Variants in FBXO32 observed in about 807,000 individuals in gnomAD.
FBXO32 encodes F-box protein 32.
In FBXO32, 15 loss-of-function variants were observed where a neutral mutation model predicts 48.3. The ratio of observed to expected loss-of-function variants is 0.31; its 90% CI spans 0.21 to 0.48. The LOEUF (loss-of-function observed/expected upper bound fraction) is 0.48. Among genes scored for constraint, FBXO32 ranks in the 20% least tolerant of loss-of-function variants. The pLI is 0.99. For synonymous variants in FBXO32, 154 were observed against 165.9 expected (o/e 0.93, Z 0.55); for missense variants, 309 against 432.7 (o/e 0.71, Z 2.54).
At chr8:123,521,640 C>T (rs1405924710) in intron 4 of FBXO32, among the ~76,000 whole-genome samples, 1 of 152,126 alleles carries the variant, frequency 6.6e-6, no homozygotes, top group Non-Finnish European at 1.5e-5. Context: ...GCTGCCTAAG[C>T]ATGCTCTATC....
At chr8:123,508,780 C>T (rs1816680390) in intron 6 of FBXO32, among the ~76,000 whole-genome samples, 1 of 152,038 alleles carries the variant, frequency 6.6e-6, no homozygotes, top group Non-Finnish European at 1.5e-5. Context: ...GTTAAAACTC[C>T]CAGGCCAATT....
chr8:123,501,161 A>G lies in FBXO32; in HGVS notation c.*2212T>C, dbSNP rs2130489109. The G allele has an allele frequency of 6.6e-6, 1 of 152,366 alleles. No individual in the cohort carries two copies. The highest frequency in any genetic ancestry group is 2.4e-5 in the African/African-American group (1 of 41,586). 9.4% of individuals were successfully genotyped at this position (152,366 alleles called of 1,614,324 possible). On this transcript the variant is annotated 3_prime_UTR_variant, in exon 9 of 9. Transcript: ENST00000517956. ...AGTTGGTGGCAACATGTGGAAGGCC[A>G]TGAACCCCTAAATCTAAAAATGTCA...
At position 123,503,454 on chromosome 8, in the gene FBXO32, G is replaced by A. The variant is rs1487041582; in HGVS notation, c.987C>T (p.Asp329=). The A allele has an allele frequency of 1.2e-6, 2 of 1,613,572 alleles. No homozygotes were observed. The highest frequency in any genetic ancestry group is 1.7e-6 in the Non-Finnish European group (2 of 1,179,644). The part of the protein sequence containing the change: ...HCHILSWKGT[D]HPCTANNPES... ...CTGGGTTATTGGCAGTGCACGGATG[G>A]TCAGTGCCCTGGAAAGGAACACATG... Residue 329 remains aspartate, a synonymous_variant, in exon 9 of 9, where the codon GAC becomes GAT. Transcript: ENST00000517956.
chr8:123,514,017 G>A, intron 5 of FBXO32: 1 of 475,524 alleles, frequency 2.1e-6, no homozygotes, highest in Non-Finnish European at 3.7e-6. Flanking sequence ...CAAGTGGATG[G>A]TCCCAAAGAA....
chr8:123,536,250 C>T (rs1351106732), intron 1 of FBXO32, among the ~76,000 whole-genome samples: 1 of 152,152 alleles, frequency 6.6e-6, no homozygotes, highest in Non-Finnish European at 1.5e-5. Context: ...TTCTCCTTTT[C>T]ATTCAGGGAA....
At chr8:123,532,030 T>C (rs773805423) in intron 3 of FBXO32, 40 bp from the exon 4 acceptor site, 6 of 1,611,518 alleles carry the variant, frequency 3.7e-6, no homozygotes, top group Non-Finnish European at 5.1e-6. Context: ...ACTCCTGCCA[T>C]GCAGAGGTCA....
intron 4 of FBXO32, among the ~76,000 whole-genome samples, chr8:123,519,872 CCA>C (rs1297381861): frequency 6.6e-6 from 1 of 152,158 alleles, no homozygotes; most frequent in East Asian, 1.9e-4. Flanking sequence ...ATTGCAACCT[CCA>C]CCTCCCAGGT....
chr8:123,527,148 G>A (rs1469028267), intron 4 of FBXO32: 4 of 152,126 alleles, frequency 2.6e-5, no homozygotes, highest in African/African-American at 7.2e-5. Context: ...AAAAACAGGC[G>A]GCAGGCTATT....
At chr8:123,523,350 C>T (rs979889794) in intron 4 of FBXO32, among the ~76,000 whole-genome samples, 5 of 152,074 alleles carry the variant, frequency 3.3e-5, no homozygotes, top group Admixed American at 6.6e-5. Flanking sequence ...TCAGCACTTT[C>T]GGAGGCCAAG....
chr8:123,529,709 G>A (rs535505599), intron 4 of FBXO32, among the ~76,000 whole-genome samples: 96 of 152,188 alleles, frequency 6.3e-4, no homozygotes, highest in African/African-American at 2.2e-3. Flanking sequence ...TTATCTTACT[G>A]TACTGCCATT....
chr8:123,511,652 G>A (rs1296153039), intron 6 of FBXO32, among the ~76,000 whole-genome samples: 4 of 151,800 alleles, frequency 2.6e-5, no homozygotes, highest in Admixed American at 2.6e-4. Context: ...ATTTTTGTAT[G>A]TTTAGTAGAG....
In FBXO32 at chr8:123,525,983, A is replaced by T. The variant is rs778290120; in HGVS notation, c.372+5915T>A. On this transcript the variant is annotated intron_variant, in intron 4 of 8. Transcript: ENST00000517956. This position sits in a 1 kb window ranked among gnomAD's most constrained non-coding sequence, Gnocchi z 4.3. The stretch of plus-strand genomic sequence containing the variant: ...CTAGATAATATAGCCTCACACTCAA[A>T]GCCTCTTCTCAAGTCTGTCCAATGT... Among the ~76,000 whole-genome samples the T allele has an allele frequency of 3.7e-4, 56 of 151,896 alleles. No homozygotes were observed. Among genetic ancestry groups the T allele is most frequent in the Non-Finnish European group, 6.8e-4 (46 of 67,994 alleles).
chr8:123,503,160 T>A lies in FBXO32; in HGVS notation c.*213A>T, dbSNP rs1816532923. The A allele has an allele frequency of 2.3e-6, 1 of 431,448 alleles. No homozygotes were observed. The highest frequency in any genetic ancestry group is 4.7e-5 in the South Asian group (1 of 21,316). 26.7% of individuals were successfully genotyped at this position (431,448 alleles called of 1,614,324 possible). A position where few individuals can be genotyped will look rare whatever the true frequency, so the allele number is the denominator to read the frequency against. The stretch of plus-strand genomic sequence containing the variant: ...AAAAGTTTATTTACAGTATTTTGCT[T>A]TTCCATACCAATTCTAGTGAGAAGT... On this transcript the variant is annotated 3_prime_UTR_variant, in exon 9 of 9. Transcript: ENST00000517956.
rs1242078936 is a variant in FBXO32 at position 123,506,158 on chromosome 8, G to A, written c.834+234C>T. Among the ~76,000 whole-genome samples the A allele has an allele frequency of 6.6e-6, 1 of 152,184 alleles. No homozygotes were observed. The highest frequency in any genetic ancestry group is 1.9e-4 in the East Asian group (1 of 5,184). On this transcript the variant is annotated intron_variant, in intron 7 of 8. Coordinates refer to ENST00000517956, the MANE Select transcript of FBXO32 (RefSeq NM_058229.4). The surrounding 1 kb of genome is among the most constrained non-coding windows in gnomAD (Gnocchi z 4.0). ...GTGGGAGGGTTGCTTGAGCCCAAGT[G>A]GCTGAGGTTACAGTGAGCTATGATT... is the stretch of plus-strand genomic sequence containing the variant.
At chr8:123,507,229 C>T (rs994223401) in intron 6 of FBXO32, among the ~76,000 whole-genome samples, 1 of 152,078 alleles carries the variant, frequency 6.6e-6, no homozygotes, top group Non-Finnish European at 1.5e-5. Flanking sequence ...GCAACATGAG[C>T]TTTTTTTCTA....
Position 123,506,658 on chromosome 8 carries a change from C to G in FBXO32, c.652-84G>C. 2 of 1,181,350 alleles carry G rather than the reference C, an allele frequency of 1.7e-6. No individual in the cohort carries two copies. Among genetic ancestry groups the G allele is most frequent in the South Asian group, 3.0e-5 (2 of 67,260 alleles). The allele number at this position is 1,181,350 out of a possible 1,614,324, so 73.2% of individuals were successfully genotyped here. ...ACACCCTCCAGGCATGCAGCTGTGC[C>G]CGTCCTCCACCCTCAAGGCAGTTTA... On this transcript the variant is annotated intron_variant, in intron 6 of 8. Coordinates refer to ENST00000517956, the MANE Select transcript of FBXO32 (RefSeq NM_058229.4). The surrounding 1 kb of genome is among the most constrained non-coding windows in gnomAD (Gnocchi z 4.0).
chr8:123,507,448 T>G (rs1285919279), intron 6 of FBXO32, among the ~76,000 whole-genome samples: 1 of 149,696 alleles, frequency 6.7e-6, no homozygotes, highest in African/African-American at 2.5e-5. Flanking sequence ...GGTGTGTGTG[T>G]GTGTGTGTGT....
intron 8 of FBXO32, 30 bp downstream of exon 8, chr8:123,504,574 G>A (rs1489732227): frequency 6.2e-7 from 1 of 1,601,080 alleles, no homozygotes; most frequent in East Asian, 2.3e-5. Flanking sequence ...TGGGCTGGGG[G>A]TCTGTGGCAG....
chr8:123,528,864 C>T (rs79332115), intron 4 of FBXO32, among the ~76,000 whole-genome samples: 4,286 of 152,140 alleles, frequency 0.028, 127 homozygotes, highest in East Asian at 0.13. Context: ...CCAAATGGCC[C>T]TTAAAATCAG....
Sources: allele counts gnomAD v4.1 joint callset (sites outside exome capture counted in the v4.1 genomes callset), GRCh38; gene constraint gnomAD v4.1.1; non-coding constraint Gnocchi (gnomAD v3.1); transcripts MANE v1.5; gene names NCBI Gene and HGNC (gene_info 2026-07-23, HGNC 2026-07-21).